Variants in COL15A1 observed in about 807,000 individuals in gnomAD.
The protein encoded by COL15A1 is collagen alpha-1(XV) chain.
In COL15A1, 111 loss-of-function variants were observed where a neutral mutation model predicts 165.9. The ratio of observed to expected loss-of-function variants is 0.67; its 90% CI spans 0.57 to 0.78. The LOEUF is 0.78. Ranked by LOEUF, COL15A1 falls within the 30% of genes least tolerant of loss-of-function variation. The pLI, the probability that COL15A1 is intolerant of heterozygous loss-of-function variation, is 0.00. For synonymous variants in COL15A1, 659 were observed against 674.8 expected (o/e 0.98, Z 0.36); for missense variants, 1,745 against 1,789.7 (o/e 0.98, Z 0.45).
chr9:98,997,105 C>T lies in COL15A1; in HGVS notation c.952+24C>T, dbSNP rs58938824. On this transcript the variant is annotated intron_variant, in intron 6 of 41. Coordinates refer to ENST00000375001, the MANE Select transcript of COL15A1 (RefSeq NM_001855.5). ...AGGCAAGTCCGGATGCACATGCCTA[C>T]GTAGTGGCCTTTTATTGGGTGATTA... 4.9e-3 allele frequency: 7,891 copies of T among 1,613,256 alleles called. 345 individuals carry two copies. The African/African-American group carries it at 0.093, about 19-fold the overall frequency.
At chr9:98,984,885 G>T (rs762451552) in intron 2 of COL15A1, among the ~76,000 whole-genome samples, 1 of 152,184 alleles carries the variant, frequency 6.6e-6, no homozygotes, top group Admixed American at 6.5e-5. Context: ...ACCACCTCCG[G>T]GGTTCAAGTG....
Position 99,003,480 on chromosome 9 carries a change from GC to G in COL15A1, c.1095del (p.Glu366ArgfsTer43), listed in dbSNP as rs772857877. The G allele has an allele frequency of 2.6e-6, 4 of 1,536,568 alleles. No individual in the cohort carries two copies. ...KNLAATAAGL[A>X]EVPISTAGEA... Reference sequence around the variant, plus strand: ...TTTAGCAGCAACAGCAGCGGGGCTGGCCGAGGTGCCCATCAGCACTGCTGGA... The same window carrying G: ...TTTAGCAGCAACAGCAGCGGGGCTGGCGAGGTGCCCATCAGCACTGCTGGA... On this transcript the variant is annotated frameshift_variant, in exon 8 of 42. Coordinates refer to ENST00000375001, the MANE Select transcript of COL15A1 (RefSeq NM_001855.5). LOFTEE classifies it high-confidence loss of function.
chr9:99,032,433 C>A (rs961225303), intron 16 of COL15A1, among the ~76,000 whole-genome samples: 5 of 152,104 alleles, frequency 3.3e-5, no homozygotes, highest in African/African-American at 1.2e-4. Flanking sequence ...TGTGATCTGC[C>A]CACCTCAGCC....
At chr9:98,955,575 C>G (rs1054994253) in intron 2 of COL15A1, among the ~76,000 whole-genome samples, 5 of 152,228 alleles carry the variant, frequency 3.3e-5, no homozygotes, top group Admixed American at 1.3e-4. Context: ...CACTGAAAGA[C>G]CACCCTGCAG....
At chr9:99,021,977 A>G (rs920407084) in intron 12 of COL15A1, 114 bp from the exon 13 acceptor site, 16 of 1,432,278 alleles carry the variant, frequency 1.1e-5, no homozygotes, top group Non-Finnish European at 1.5e-5. Flanking sequence ...GGACAATGCC[A>G]TTTTTCTTTC....
chr9:99,068,574 A>C lies in COL15A1; in HGVS notation c.3857A>C (p.Asn1286Thr). The C allele has an allele frequency of 6.5e-7, 1 of 1,538,662 alleles. No homozygotes were observed. Among genetic ancestry groups the C allele is most frequent in the Non-Finnish European group, 8.7e-7 (1 of 1,151,032 alleles). Residue 1286 changes from asparagine to threonine, a missense_variant, in exon 41 of 42, where the codon AAT becomes ACT. Asn to Thr is a moderately conservative substitution (Grantham distance 65). Transcript: ENST00000375001. ...CTATAGGGCCAAGTACTTTTTAATA[A>C]TTGGGACTCAATTTTTTCTGGCCAC... ...VNLKGQVLFNNWDSIFSGHGG... is the reference protein window; with the variant it reads ...VNLKGQVLFNTWDSIFSGHGG...
chr9:99,050,141 T>C lies in COL15A1; in HGVS notation c.2904+246T>C, dbSNP rs557189329. On this transcript the variant is annotated intron_variant, in intron 30 of 41. Coordinates refer to ENST00000375001, the MANE Select transcript of COL15A1 (RefSeq NM_001855.5). ...TCTTTTCATACAATCTAAAAAGCAG[T>C]GTCTTTTGTTATTGCGACCACATTA... 1.2e-4 allele frequency among the ~76,000 whole-genome samples: 19 copies of C among 152,302 alleles called. 1 individual carries two copies. The South Asian group carries it at 3.9e-3, about 32-fold the overall frequency.
intron 13 of COL15A1, 111 bp from the exon 14 acceptor site, chr9:99,023,246 G>C: frequency 7.7e-7 from 1 of 1,306,546 alleles, no homozygotes; most frequent in Non-Finnish European, 1.0e-6. Context: ...AGAAGTTATC[G>C]GGCTATAGGA....
chr9:98,973,724 C>G (rs994800075), intron 2 of COL15A1, among the ~76,000 whole-genome samples: 6 of 152,202 alleles, frequency 3.9e-5, no homozygotes, highest in African/African-American at 1.4e-4. Flanking sequence ...TGGCTAAAGA[C>G]AAGGAAGTCT....
intron 5 of COL15A1, among the ~76,000 whole-genome samples, chr9:98,992,586 T>C (rs2015227): frequency 0.5 from 75,323 of 152,166 alleles, 20,089 homozygotes; most frequent in African/African-American, 0.7. Context: ...GCTCCTCAGG[T>C]GTGGCCAGAG....
chr9:99,038,790 C>G, intron 22 of COL15A1, 57 bp downstream of exon 22: 1 of 1,028,562 alleles, frequency 9.7e-7, no homozygotes, highest in Non-Finnish European at 1.5e-6. Context: ...CCTGTTGAAA[C>G]AAAGTCGGGT....
intron 9 of COL15A1, among the ~76,000 whole-genome samples, chr9:99,012,308 C>T (rs947802477): frequency 6.6e-6 from 1 of 152,192 alleles, no homozygotes; most frequent in Non-Finnish European, 1.5e-5. Flanking sequence ...CACATAAACA[C>T]ACACATACAT....
chr9:99,035,404 C>T lies in COL15A1; in HGVS notation c.2275C>T (p.Pro759Ser), dbSNP rs150609975. ...QLLNEPKLSRPTAAIGLKGEK... is the reference protein window; with the variant it reads ...QLLNEPKLSRSTAAIGLKGEK... ...ATTGAATGAACCCAAACTCTCCAGA[C>T]CAACGGCTGCAATTGTAGGTCGCCT... Residue 759 changes from proline (P) to serine (S), a missense_variant, in exon 19 of 42, where the codon CCA becomes TCA. Physicochemically the swap from Pro to Ser is moderately conservative, Grantham distance 74. Coordinates refer to ENST00000375001, the MANE Select transcript of COL15A1 (RefSeq NM_001855.5). The T allele has an allele frequency of 2.5e-6, 4 of 1,614,050 alleles. No individual in the cohort carries two copies. The African/African-American group carries it at 5.3e-5, about 22-fold the overall frequency.
chr9:99,018,523 A>G (rs1296064552), intron 11 of COL15A1, among the ~76,000 whole-genome samples: 1 of 152,230 alleles, frequency 6.6e-6, no homozygotes, highest in Non-Finnish European at 1.5e-5. Flanking sequence ...AGATAGTCTG[A>G]TAGCCTTTGT....
Position 98,987,376 on chromosome 9 carries a change from C to T in COL15A1, c.723+8C>T. ...GACCCTGAAGAGTCCTCGGTGAGCT[C>T]CCCTACTATCCCACAGTGGGCCCTG... On this transcript the variant is annotated splice_region_variant and intron_variant, in intron 4 of 41. Transcript: ENST00000375001. 2 of 1,605,846 alleles carry T rather than the reference C, an allele frequency of 1.2e-6. No homozygotes were observed. Among genetic ancestry groups the T allele is most frequent in the Non-Finnish European group, 1.7e-6 (2 of 1,175,974 alleles).
In COL15A1 at chr9:99,040,735, T is replaced by C. The variant is rs879585363; in HGVS notation, c.2511+179T>C. On this transcript the variant is annotated intron_variant, in intron 23 of 41. Coordinates refer to ENST00000375001, the MANE Select transcript of COL15A1 (RefSeq NM_001855.5). The stretch of plus-strand genomic sequence containing the variant: ...GGTTTTGCCATGTTGCCCAGGCTGG[T>C]CTGGAACTCCTGAGCTCAAGAAATC... 1.3e-5 allele frequency: 14 copies of C among 1,118,468 alleles called. No individual in the cohort carries two copies. In the Admixed American group the frequency reaches 3.0e-4, roughly 24 times the overall value. The allele number at this position is 1,118,468 out of a possible 1,614,324, so 69.3% of individuals were successfully genotyped here.
intron 25 of COL15A1, 25 bp downstream of exon 25, chr9:99,044,661 G>A: frequency 6.2e-7 from 1 of 1,613,058 alleles, no homozygotes; most frequent in Non-Finnish European, 8.5e-7. Flanking sequence ...AGACCCTGCA[G>A]GCACATATCT....
intron 39 of COL15A1, among the ~76,000 whole-genome samples, chr9:99,064,437 C>T (rs928095315): frequency 1.3e-5 from 2 of 152,098 alleles, no homozygotes; most frequent in Non-Finnish European, 2.9e-5. Context: ...CTGGAGGAAA[C>T]CTGAGTGGAG....
Position 99,034,586 on chromosome 9 carries a change from TAAAAAAAAAAAAAAAAA to T in COL15A1, c.2079+14_2079+30del, listed in dbSNP as rs60290557. Reference sequence around the variant, plus strand: ...CCTAATGGCTCAGTTGGTGAAAAGGTAAAAAAAAAAAAAAAAAAAAAAAAAAAAGAACTTTCTTCTCC... The same window carrying T: ...CCTAATGGCTCAGTTGGTGAAAAGGTAAAAAAAAAAAGAACTTTCTTCTCC... On this transcript the variant is annotated splice_donor_5th_base_variant and intron_variant, in intron 17 of 41. Coordinates refer to ENST00000375001, the MANE Select transcript of COL15A1 (RefSeq NM_001855.5). 18 of 1,074,744 alleles carry T rather than the reference TAAAAAAAAAAAAAAAAA, an allele frequency of 1.7e-5. 1 individual carries two copies. The highest frequency in any genetic ancestry group is 1.3e-4 in the African/African-American group (5 of 37,448). The allele number at this position is 1,074,744 out of a possible 1,614,324, so 66.6% of individuals were successfully genotyped here. A position where few individuals can be genotyped will look rare whatever the true frequency, so the allele number is the denominator to read the frequency against.
Sources: allele counts gnomAD v4.1 joint callset (sites outside exome capture counted in the v4.1 genomes callset), GRCh38; gene constraint gnomAD v4.1.1; transcripts MANE v1.5; gene names NCBI Gene and HGNC (gene_info 2026-07-23, HGNC 2026-07-21).